Variants in ATRIP observed in about 807,000 individuals in gnomAD.
ATRIP encodes the protein ATR interacting protein.
A neutral mutation model predicts 78.1 loss-of-function variants in ATRIP; 44 were observed. The observed-to-expected ratio is 0.56, with a 90% CI of 0.44 to 0.72. ATRIP has a LOEUF of 0.72. Among genes scored for constraint, ATRIP ranks in the 30% least tolerant of loss-of-function variants. ATRIP has a pLI of 0.00. For missense variants in ATRIP, 927 were observed against 980.2 expected, an observed-to-expected ratio of 0.95 and a Z score of 0.72; for synonymous variants, 388 against 408.9, an observed-to-expected ratio of 0.95 and a Z score of 0.62.
In ATRIP at chr3:48,463,733, C is replaced by T; in HGVS notation, c.1746-12C>T. 2 of 1,613,944 alleles carry T rather than the reference C, an allele frequency of 1.2e-6. No homozygotes were observed. The highest frequency in any genetic ancestry group is 2.2e-5 in the South Asian group (2 of 91,078). ...GGGGAGTGTCACGTCTCTCTGGGTCCCTGTCTTTTAGGTTCCAGTGTGTGT... is the reference window on the plus strand; with the variant it reads ...GGGGAGTGTCACGTCTCTCTGGGTCTCTGTCTTTTAGGTTCCAGTGTGTGT... On this transcript the variant is annotated splice_polypyrimidine_tract_variant and intron_variant, in intron 8 of 12. Transcript: ENST00000320211.
chr3:48,457,556 A>C (rs1010781183), intron 5 of ATRIP, 140 bp downstream of exon 5: 1 of 650,970 alleles, frequency 1.5e-6, no homozygotes, highest in Non-Finnish European at 2.3e-6. Context: ...CAGGGACTGG[A>C]ATCACTGAAA....
chr3:48,450,990 A>G (rs1575275217), intron 2 of ATRIP, among the ~76,000 whole-genome samples: 1 of 148,052 alleles, frequency 6.8e-6, no homozygotes, highest in South Asian at 2.3e-4. Context: ...GGAGTTCAAG[A>G]CCAGCCTGGC....
intron 5 of ATRIP, 116 bp from the exon 6 acceptor site, chr3:48,459,243 T>G: frequency 1.2e-6 from 1 of 811,618 alleles, no homozygotes; most frequent in Non-Finnish European, 2.0e-6. Context: ...GGCTCTTGTT[T>G]GTTCCAAGTT....
chr3:48,452,051 G>A, intron 3 of ATRIP, 152 bp downstream of exon 3: 1 of 810,098 alleles, frequency 1.2e-6, no homozygotes, highest in African/African-American at 1.8e-5. Context: ...TTCTTCCAGG[G>A]TCTGGATATA....
chr3:48,465,943 G>A lies in ATRIP; in HGVS notation c.*389G>A. The A allele has an allele frequency of 3.4e-6, 1 of 290,254 alleles. No individual in the cohort carries two copies. The highest frequency in any genetic ancestry group is 3.4e-5 in the South Asian group (1 of 29,300). 18.0% of individuals were successfully genotyped at this position (290,254 alleles called of 1,614,324 possible). Reference sequence around the variant, plus strand: ...CTGGGAAACTGGGACCCACAGGTGGGCATGAAAGGGCCGCAGCAGGGGCTC... The same window carrying A: ...CTGGGAAACTGGGACCCACAGGTGGACATGAAAGGGCCGCAGCAGGGGCTC... On this transcript the variant is annotated 3_prime_UTR_variant, in exon 13 of 13. Coordinates refer to ENST00000320211, the MANE Select transcript of ATRIP (RefSeq NM_130384.3).
chr3:48,464,701 TAAGGGGGCCCCGTGC>T (rs769276850), intron 11 of ATRIP, 39 bp downstream of exon 11: 36 of 1,613,608 alleles, frequency 2.2e-5, no homozygotes, highest in Non-Finnish European at 2.8e-5. Flanking sequence ...GCTCTGGTGG[TAAGGGGGCCCCGTGC>T]AAGGACTGTA....
chr3:48,464,146 A>ACGGGGTTTTGCTGT lies in ATRIP; in HGVS notation c.1974+14_1974+15insCGGGGTTTTGCTGT. ...CTGGAACAAGAGGTAAAAACTCCAG[A>ACGGGGTTTTGCTGT]GCCCCTTCTGGACACTGTCCCCACC... On this transcript the variant is annotated intron_variant, in intron 10 of 12. Transcript: ENST00000320211. 6.2e-7 allele frequency: 1 copy of ACGGGGTTTTGCTGT among 1,602,056 alleles called. No individual in the cohort carries two copies. Among genetic ancestry groups the ACGGGGTTTTGCTGT allele is most frequent in the Non-Finnish European group, 8.6e-7 (1 of 1,169,354 alleles).
Position 48,447,096 on chromosome 3 carries a change from A to G in ATRIP, c.247+4A>G. On this transcript the variant is annotated splice_donor_region_variant and intron_variant, in intron 1 of 12. Coordinates refer to ENST00000320211, the MANE Select transcript of ATRIP (RefSeq NM_130384.3). ...GCCGCGGCTCGGGACGTGTCCAGTG[A>G]GTGCTCCTCGCGGCCTTTTGCTCGG... 3 of 1,523,666 alleles carry G rather than the reference A, an allele frequency of 2.0e-6. No individual in the cohort carries two copies. Among genetic ancestry groups the G allele is most frequent in the Admixed American group, 2.2e-5 (1 of 46,490 alleles). The allele number at this position is 1,523,666 out of a possible 1,614,324, so 94.4% of individuals were successfully genotyped here.
Position 48,466,433 on chromosome 3 carries a change from C to CGA in ATRIP, c.*880_*881dup, listed in dbSNP as rs2040299783. 7 of 1,611,300 alleles carry CGA rather than the reference C, an allele frequency of 4.3e-6. No homozygotes were observed. Among genetic ancestry groups the CGA allele is most frequent in the Non-Finnish European group, 5.9e-6 (7 of 1,178,612 alleles). On this transcript the variant is annotated 3_prime_UTR_variant, in exon 13 of 13. Coordinates refer to ENST00000320211, the MANE Select transcript of ATRIP (RefSeq NM_130384.3). The stretch of plus-strand genomic sequence containing the variant: ...GAAGAGGGAGACCCTCTCAGACAGT[C>CGA]GAATGTGCTGGTCCCACTAAGGAAA...
At position 48,457,432 on chromosome 3, in the gene ATRIP, A is replaced by G. The variant is rs1046460832; in HGVS notation, c.829+16A>G. The G allele has an allele frequency of 1.2e-5, 18 of 1,506,120 alleles. No homozygotes were observed. Among genetic ancestry groups the G allele is most frequent in the Non-Finnish European group, 1.5e-5 (17 of 1,127,806 alleles). 93.3% of individuals were successfully genotyped at this position (1,506,120 alleles called of 1,614,324 possible). A position where few individuals can be genotyped will look rare whatever the true frequency, so the allele number is the denominator to read the frequency against. ...GGCAGAGAGGGTAAGTCCATTAGTC[A>G]TCTATTGATGTATAACAAGCTACCC... is the stretch of plus-strand genomic sequence containing the variant. On this transcript the variant is annotated intron_variant, in intron 5 of 12. Coordinates refer to ENST00000320211, the MANE Select transcript of ATRIP (RefSeq NM_130384.3).
At chr3:48,449,037 TCTC>T (rs1370298449) in intron 1 of ATRIP, among the ~76,000 whole-genome samples, 49 of 152,266 alleles carry the variant, frequency 3.2e-4, no homozygotes, top group African/African-American at 1.1e-3. Context: ...GCCAATGAGA[TCTC>T]CTCAGGCTTT....
In ATRIP at chr3:48,466,289, C is replaced by G; in HGVS notation, c.*735C>G. On this transcript the variant is annotated 3_prime_UTR_variant, in exon 13 of 13. Transcript: ENST00000320211. ...AGAGTGTGCAGCCGAGTCACTACTGCCTGCCTGCCTGCCTGCTACGGTGAG... is the reference window on the plus strand; with the variant it reads ...AGAGTGTGCAGCCGAGTCACTACTGGCTGCCTGCCTGCCTGCTACGGTGAG... The G allele has an allele frequency of 1.5e-6, 1 of 650,608 alleles. No homozygotes were observed. The highest frequency in any genetic ancestry group is 2.7e-6 in the Non-Finnish European group (1 of 366,352). The allele number at this position is 650,608 out of a possible 1,614,324, so 40.3% of individuals were successfully genotyped here.
chr3:48,453,731 A>G (rs1413303538), intron 3 of ATRIP, among the ~76,000 whole-genome samples: 1 of 152,172 alleles, frequency 6.6e-6, no homozygotes, highest in Non-Finnish European at 1.5e-5. Context: ...ATTGTGCACC[A>G]GTGCGTTCGT....
Position 48,466,382 on chromosome 3 carries a change from G to C in ATRIP, c.*828G>C. 2.1e-6 allele frequency: 3 copies of C among 1,462,412 alleles called. No individual in the cohort carries two copies. The highest frequency in any genetic ancestry group is 2.8e-6 in the Non-Finnish European group (3 of 1,054,896). The allele number at this position is 1,462,412 out of a possible 1,614,324, so 90.6% of individuals were successfully genotyped here. ...GGTTCCCCCACCCCAGACTAAGGGG[G>C]CACTAGGGGAGGGGCCGAGTCATGT... On this transcript the variant is annotated 3_prime_UTR_variant, in exon 13 of 13. Coordinates refer to ENST00000320211, the MANE Select transcript of ATRIP (RefSeq NM_130384.3).
In ATRIP at chr3:48,467,070, GC is replaced by G. The variant is rs763229085; in HGVS notation, c.*1517del. 104 of 1,613,870 alleles carry G rather than the reference GC, an allele frequency of 6.4e-5. No homozygotes were observed. Among genetic ancestry groups the G allele is most frequent in the Non-Finnish European group, 8.0e-5 (94 of 1,180,046 alleles). On this transcript the variant is annotated 3_prime_UTR_variant, in exon 13 of 13. Coordinates refer to ENST00000320211, the MANE Select transcript of ATRIP (RefSeq NM_130384.3). ...CTTCCCCCTGCTCCAAGCAGAGCTG[GC>G]TATGCTGGGCCTCACCAGTGCTCTG...
chr3:48,460,871 T>C (rs1560107189), intron 8 of ATRIP, 72 bp downstream of exon 8: 15 of 1,403,122 alleles, frequency 1.1e-5, no homozygotes, highest in East Asian at 2.3e-5. Flanking sequence ...CCCATGGCAC[T>C]TGTACTTTGC....
rs79950695 is a variant in ATRIP at position 48,454,143 on chromosome 3, G to T, written c.553-157G>T. Among the ~76,000 whole-genome samples the T allele has an allele frequency of 9.3e-3, 1,421 of 152,262 alleles. 17 individuals carry two copies. Among genetic ancestry groups the T allele is most frequent in the African/African-American group, 0.032 (1,340 of 41,524 alleles). ...AGAGTACCATATTGTCTTTCAGAAA[G>T]AAAGCTAATGTTTAATATTTTAGGA... On this transcript the variant is annotated intron_variant, in intron 3 of 12. Coordinates refer to ENST00000320211, the MANE Select transcript of ATRIP (RefSeq NM_130384.3).
At position 48,446,985 on chromosome 3, in the gene ATRIP, A is replaced by G; in HGVS notation, c.140A>G (p.Asp47Gly). Reference sequence around the variant, plus strand: ...GCAGCCGCTGCCCCGGACCCTGACGACCCGTTCGGCGCGCATGGGGACTTC... The same window carrying G: ...GCAGCCGCTGCCCCGGACCCTGACGGCCCGTTCGGCGCGCATGGGGACTTC... ...FSAAAAPDPDDPFGAHGDFTA... is the reference protein window; with the variant it reads ...FSAAAAPDPDGPFGAHGDFTA... The change falls in exon 1 of 13, where the codon GAC becomes GGC. Residue 47 changes from aspartate (D) to glycine (G), a missense_variant. Coordinates refer to ENST00000320211, the MANE Select transcript of ATRIP (RefSeq NM_130384.3). The G allele has an allele frequency of 6.4e-7, 1 of 1,573,068 alleles. No homozygotes were observed. The highest frequency in any genetic ancestry group is 8.6e-7 in the Non-Finnish European group (1 of 1,163,038).
intron 4 of ATRIP, among the ~76,000 whole-genome samples, chr3:48,456,067 C>T (rs2039948147): frequency 6.6e-6 from 1 of 151,830 alleles, no homozygotes; most frequent in Middle Eastern, 3.4e-3. Context: ...TTGCAGTGAG[C>T]CAGGATCACA....
Sources: allele counts gnomAD v4.1 joint callset (sites outside exome capture counted in the v4.1 genomes callset), GRCh38; gene constraint gnomAD v4.1.1; transcripts MANE v1.5; gene names NCBI Gene and HGNC (gene_info 2026-07-23, HGNC 2026-07-21).